The following UBAC2 variants were observed in gnomAD, a reference collection of about 807,000 sequenced individuals.
The protein encoded by UBAC2 is UBA domain containing 2, also known as ubiquitin-associated domain-containing protein 2.
In UBAC2, 26 loss-of-function variants were observed where a neutral mutation model predicts 44.0. That is an observed-to-expected ratio of 0.59 (90% CI 0.43 to 0.82). The LOEUF is 0.82. UBAC2 is among the 40% of genes least tolerant of loss of function. The probability of loss-of-function intolerance (pLI) is 0.00; values close to 1 mark genes in which losing one functional copy is unlikely to be tolerated. For synonymous variants in UBAC2, 155 were observed against 154.3 expected (o/e 1.00, Z -0.04); for missense variants, 329 against 419.4 (o/e 0.78, Z 1.88).
chr13:99,225,104 G>A (rs945567726), intron 1 of UBAC2, among the ~76,000 whole-genome samples: 2 of 152,148 alleles, frequency 1.3e-5, no homozygotes, highest in Non-Finnish European at 2.9e-5. Flanking sequence ...TCAGTTATTA[G>A]TTCAGTAAAT....
At chr13:99,345,738 T>TTTC (rs1418583536) in intron 7 of UBAC2, among the ~76,000 whole-genome samples, 1 of 133,148 alleles carries the variant, frequency 7.5e-6, no homozygotes, top group Non-Finnish European at 1.7e-5. Context: ...TCTTTTTTTC[T>TTTC]TTCTTTTTTT....
intron 1 of UBAC2, among the ~76,000 whole-genome samples, chr13:99,232,729 C>G (rs1471518119): frequency 6.6e-6 from 1 of 151,940 alleles, no homozygotes; most frequent in Non-Finnish European, 1.5e-5. Flanking sequence ...CAAGACCAGC[C>G]TGGGCCACAT....
At chr13:99,352,396 TATTCTGGACATTTTATAG>T (rs1337301836) in intron 7 of UBAC2, among the ~76,000 whole-genome samples, 6 of 152,242 alleles carry the variant, frequency 3.9e-5, no homozygotes, top group Non-Finnish European at 7.3e-5. Context: ...TAGACTTGCT[TATTCTGGACATTTTATAG>T]AAATGGAAGC....
At chr13:99,235,110 G>T (rs1243786230) in intron 1 of UBAC2, among the ~76,000 whole-genome samples, 2 of 152,128 alleles carry the variant, frequency 1.3e-5, no homozygotes, top group Non-Finnish European at 2.9e-5. Flanking sequence ...ACTGACCTGG[G>T]CTCCAGTTGT....
chr13:99,295,945 G>T lies in UBAC2; in HGVS notation c.390-18152G>T. On this transcript the variant is annotated intron_variant, in intron 4 of 8. Transcript: ENST00000403766. This position sits in a 1 kb window ranked among gnomAD's most constrained non-coding sequence, Gnocchi z 4.1. ...AAATCACCAAATTTGTTGAATAGAG[G>T]GTGGTAGAGTTGATTTTTTTCCTGT... The T allele has an allele frequency of 6.2e-7, 1 of 1,613,976 alleles. No homozygotes were observed. The highest frequency in any genetic ancestry group is 1.1e-5 in the South Asian group (1 of 91,066).
intron 1 of UBAC2, chr13:99,215,586 A>G: frequency 7.4e-7 from 1 of 1,355,332 alleles, no homozygotes; most frequent in Non-Finnish European, 1.1e-6. Context: ...GTACTCCAGG[A>G]TGGCTGCGCT....
At chr13:99,350,211 C>T (rs1283820852) in intron 7 of UBAC2, among the ~76,000 whole-genome samples, 1 of 152,176 alleles carries the variant, frequency 6.6e-6, no homozygotes, top group African/African-American at 2.4e-5. Flanking sequence ...TACTCTTACT[C>T]TATTTTCTTT....
chr13:99,242,729 G>GAGAC (rs1401819331), intron 2 of UBAC2, among the ~76,000 whole-genome samples: 2 of 141,078 alleles, frequency 1.4e-5, no homozygotes, highest in Non-Finnish European at 3.1e-5. Flanking sequence ...GCCTGGCCGG[G>GAGAC]GCTGACCCCC....
At chr13:99,278,284 C>G (rs971354006) in intron 4 of UBAC2, among the ~76,000 whole-genome samples, 1 of 152,076 alleles carries the variant, frequency 6.6e-6, no homozygotes, top group Non-Finnish European at 1.5e-5. Flanking sequence ...ACTGTTACCA[C>G]ATTATTAATA....
At chr13:99,233,006 A>G (rs1469089958) in intron 1 of UBAC2, among the ~76,000 whole-genome samples, 1 of 152,224 alleles carries the variant, frequency 6.6e-6, no homozygotes, top group Non-Finnish European at 1.5e-5. Context: ...AAATATCATT[A>G]TGAATCATGA....
chr13:99,375,442 G>A (rs1364363063), intron 8 of UBAC2, among the ~76,000 whole-genome samples: 5 of 152,196 alleles, frequency 3.3e-5, no homozygotes, highest in Admixed American at 6.5e-5. Context: ...AGCAGTGGGC[G>A]AGGCAGGCCC....
At chr13:99,309,993 G>A (rs1397272279) in intron 4 of UBAC2, among the ~76,000 whole-genome samples, 2 of 152,190 alleles carry the variant, frequency 1.3e-5, no homozygotes, top group Non-Finnish European at 2.9e-5. Flanking sequence ...TATCGAGTGC[G>A]ATCATGAATA....
intron 4 of UBAC2, chr13:99,255,579 T>C (rs2043537359): frequency 6.2e-7 from 1 of 1,614,078 alleles, no homozygotes; most frequent in Non-Finnish European, 8.5e-7. Flanking sequence ...CTGTGAGAGC[T>C]CCAAGAATCT....
At chr13:99,254,405 T>A (rs2043503181) in intron 4 of UBAC2, among the ~76,000 whole-genome samples, 1 of 152,224 alleles carries the variant, frequency 6.6e-6, no homozygotes, top group Non-Finnish European at 1.5e-5. Flanking sequence ...GGGTTCTTGT[T>A]GCTATTAATT....
chr13:99,270,172 T>G (rs1208571190), intron 4 of UBAC2, among the ~76,000 whole-genome samples: 1 of 152,166 alleles, frequency 6.6e-6, no homozygotes, highest in Non-Finnish European at 1.5e-5. Context: ...AAATTTTAAC[T>G]ACGTAAGGTG....
chr13:99,323,440 A>AAAAC (rs749779203), intron 6 of UBAC2, among the ~76,000 whole-genome samples: 4 of 152,190 alleles, frequency 2.6e-5, no homozygotes, highest in East Asian at 1.9e-4. Context: ...GTTTCTACAA[A>AAAAC]AAACAAACAA....
intron 4 of UBAC2, chr13:99,307,348 G>A (rs2044350811): frequency 6.6e-6 from 1 of 152,150 alleles, no homozygotes; most frequent in African/African-American, 2.4e-5. Context: ...ACATATCAGT[G>A]ACTCGTTCGG....
At chr13:99,263,488 A>G (rs1174638712) in intron 4 of UBAC2, among the ~76,000 whole-genome samples, 2 of 152,236 alleles carry the variant, frequency 1.3e-5, no homozygotes, top group East Asian at 3.8e-4. Context: ...CTACGATGAA[A>G]AAGACGGACA....
intron 6 of UBAC2, among the ~76,000 whole-genome samples, chr13:99,337,017 C>T (rs762796614): frequency 3.3e-5 from 5 of 151,846 alleles, no homozygotes; most frequent in Admixed American, 6.6e-5. Context: ...ATCATCTTTG[C>T]GCTTTCCTGT....
Sources: gnomAD v4.1 joint callset for allele counts (sites outside exome capture counted in the v4.1 genomes callset) on GRCh38, gnomAD v4.1.1 for gene constraint, Gnocchi (gnomAD v3.1) non-coding constraint, MANE v1.5 for transcripts, NCBI Gene and HGNC (gene_info 2026-07-23, HGNC 2026-07-21) for gene names.